Variants in SLF2 observed in about 807,000 individuals in gnomAD.
SLF2 encodes the protein SMC5/6 complex localization factor 2.
Under a neutral mutation model 124.3 loss-of-function variants are expected in SLF2, and 68 were observed. That is an observed-to-expected ratio of 0.55 (90% CI 0.45 to 0.67). SLF2 has a LOEUF of 0.67. Ranked by LOEUF, SLF2 falls within the 30% of genes least tolerant of loss-of-function variation. The probability of loss-of-function intolerance (pLI) is 0.00; values close to 1 mark genes in which losing one functional copy is unlikely to be tolerated. For synonymous variants in SLF2, 480 were observed against 478.8 expected, an observed-to-expected ratio of 1.00 and a Z score of -0.03; for missense variants, 1,246 against 1,373.7, an observed-to-expected ratio of 0.91 and a Z score of 1.47.
Position 100,938,898 on chromosome 10 carries a change from C to G in SLF2, c.2654+162C>G, listed in dbSNP as rs1849915973. ...TTTTTAACATGTCTTAATCTAAAAG[C>G]CATCATCATGTTTAGCAGGCAAATA... is the stretch of plus-strand genomic sequence containing the variant. On this transcript the variant is annotated intron_variant, in intron 11 of 19. Coordinates refer to ENST00000238961, the MANE Select transcript of SLF2 (RefSeq NM_018121.4). 2.6e-5 allele frequency among the ~76,000 whole-genome samples: 4 copies of G among 152,074 alleles called. No homozygotes were observed. In the South Asian group the frequency reaches 8.3e-4, roughly 32 times the overall value.
intron 7 of SLF2, 128 bp from the exon 8 acceptor site, chr10:100,929,701 TC>T: frequency 1.4e-6 from 1 of 730,864 alleles, no homozygotes; most frequent in South Asian, 2.4e-5. Context: ...AGCATACTTT[TC>T]TCATGCTAGT....
intron 11 of SLF2, among the ~76,000 whole-genome samples, chr10:100,941,341 C>T (rs1300343921): frequency 6.6e-6 from 1 of 152,170 alleles, no homozygotes; most frequent in Non-Finnish European, 1.5e-5. Context: ...CATTATTCTG[C>T]TAGATACATA....
intron 1 of SLF2, 73 bp from the exon 2 acceptor site, chr10:100,915,926 T>G (rs1487441057): frequency 8.6e-7 from 1 of 1,161,186 alleles, no homozygotes; most frequent in Non-Finnish European, 1.3e-6. Context: ...TTATAAATCT[T>G]TCTCCATTTA....
intron 19 of SLF2, among the ~76,000 whole-genome samples, chr10:100,961,676 A>AT (rs754135248): frequency 7.2e-4 from 109 of 152,200 alleles, no homozygotes; most frequent in Admixed American, 1.7e-3. Context: ...TCCTGCACTT[A>AT]TTTTTTACTG....
At chr10:100,947,947 T>A in intron 15 of SLF2, 100 bp downstream of exon 15, 1 of 789,080 alleles carries the variant, frequency 1.3e-6, no homozygotes, top group Non-Finnish European at 2.1e-6. Flanking sequence ...GGGTCAGAGC[T>A]CAGCTCTTAA....
intron 17 of SLF2, 136 bp from the exon 18 acceptor site, chr10:100,956,315 G>C (rs990113172): frequency 4.9e-6 from 3 of 617,126 alleles, no homozygotes; most frequent in Non-Finnish European, 8.4e-6. Context: ...CTACTGTTAC[G>C]TTGAATAGTT....
Position 100,948,712 on chromosome 10 carries a change from C to G in SLF2, c.3120+865C>G, listed in dbSNP as rs150945861. ...CCTAGCCAACACGGTGAAACCCCGT[C>G]TCTACTAAAAAAAATACAAAAAAAT... On this transcript the variant is annotated intron_variant, in intron 15 of 19. Coordinates refer to ENST00000238961, the MANE Select transcript of SLF2 (RefSeq NM_018121.4). Among the ~76,000 whole-genome samples the G allele has an allele frequency of 7.0e-3, 1,066 of 152,006 alleles. 16 individuals carry two copies. The highest frequency in any genetic ancestry group is 0.024 in the African/African-American group (1,013 of 41,450).
rs755181009 is a variant in SLF2, at chr10:100,926,041, TTTGCTAAATTTAACATTTTGC to T, written c.2042+26_2042+46del. The T allele has an allele frequency of 2.5e-6, 4 of 1,614,250 alleles. No individual in the cohort carries two copies. The Admixed American group carries it at 6.7e-5, about 27-fold the overall frequency. On this transcript the variant is annotated intron_variant, in intron 6 of 19. Coordinates refer to ENST00000238961, the MANE Select transcript of SLF2 (RefSeq NM_018121.4). ...AAAGGTTTGTTAGCATAAAGATTAATTTGCTAAATTTAACATTTTGCTTGTTTGTGTGGCTTACTTTTAATT... is the reference window on the plus strand; with the variant it reads ...AAAGGTTTGTTAGCATAAAGATTAATTTGTTTGTGTGGCTTACTTTTAATT...
At chr10:100,916,435 A>T (rs1849414816) in intron 2 of SLF2, 135 bp from the exon 3 acceptor site, 1 of 589,416 alleles carries the variant, frequency 1.7e-6, no homozygotes, top group Non-Finnish European at 2.4e-6. Context: ...GTGTATCATT[A>T]TCCAAGTTGT....
chr10:100,956,549 C>CTT lies in SLF2; in HGVS notation c.3417+14_3417+15dup. The CTT allele has an allele frequency of 6.5e-7, 1 of 1,548,672 alleles. No individual in the cohort carries two copies. The highest frequency in any genetic ancestry group is 8.7e-7 in the Non-Finnish European group (1 of 1,144,134). On this transcript the variant is annotated intron_variant, in intron 18 of 19. Transcript: ENST00000238961. ...TTTACAGAACTAAGGTAAGTGTGTT[C>CTT]TTTCTTTTTTTCTTTTTTTTTTTCT... is the stretch of plus-strand genomic sequence containing the variant.
chr10:100,926,358 CT>C, intron 6 of SLF2: 1 of 1,294,716 alleles, frequency 7.7e-7, no homozygotes, highest in Non-Finnish European at 1.0e-6. Context: ...TAATCCAGTA[CT>C]TTAGGAGGCC....
intron 19 of SLF2, 31 bp downstream of exon 19, chr10:100,959,527 C>A (rs760895865): frequency 1.9e-6 from 3 of 1,610,704 alleles, no homozygotes; most frequent in Non-Finnish European, 8.5e-7. Flanking sequence ...TTCATGTATT[C>A]TTAATAGTTT....
At chr10:100,931,441 C>T (rs1043382312) in intron 9 of SLF2, among the ~76,000 whole-genome samples, 1 of 151,856 alleles carries the variant, frequency 6.6e-6, no homozygotes, top group Non-Finnish European at 1.5e-5. Context: ...TAATTGTATG[C>T]TAATATTTCC....
chr10:100,913,122 C>T lies in SLF2; in HGVS notation c.12C>T (p.Arg4=). 1.2e-6 allele frequency: 2 copies of T among 1,613,170 alleles called. No homozygotes were observed. Among genetic ancestry groups the T allele is most frequent in the Non-Finnish European group, 1.7e-6 (2 of 1,179,712 alleles). ...CCAGCGGCGCCGACATGACAAGGCG[C>T]TGCATGCCCGCTAGGCCAGGTTTCC... MTR[R]CMPARPGFPS... Residue 4 remains arginine (R), a synonymous_variant, in exon 1 of 20, where the codon CGC becomes CGT. Coordinates refer to ENST00000238961, the MANE Select transcript of SLF2 (RefSeq NM_018121.4).
Position 100,922,642 on chromosome 10 carries a change from TG to T in SLF2, c.974-1332del, listed in dbSNP as rs369280037. ...TTTGTGTTTTTTTTTGTTGTTGTTT[TG>T]TTTTTTTGAGTTGAAGTCTTGCTTT... On this transcript the variant is annotated intron_variant, in intron 4 of 19. Coordinates refer to ENST00000238961, the MANE Select transcript of SLF2 (RefSeq NM_018121.4). Among the ~76,000 whole-genome samples, 231 of 152,326 alleles carry T rather than the reference TG, an allele frequency of 1.5e-3. 1 individual carries two copies. The highest frequency in any genetic ancestry group is 2.8e-3 in the Non-Finnish European group (190 of 68,036).
Position 100,943,813 on chromosome 10 carries a change from CTT to C in SLF2, c.2655-210_2655-209del. ...TTGACTTGGATTTGGCATAAAGAGA[CTT>C]TTGAGGGGAATGGAAATGTTCTATT... On this transcript the variant is annotated intron_variant, in intron 11 of 19. Coordinates refer to ENST00000238961, the MANE Select transcript of SLF2 (RefSeq NM_018121.4). The C allele has an allele frequency of 1.4e-5, 6 of 417,418 alleles. No individual in the cohort carries two copies. The Middle Eastern group carries it at 4.0e-3, about 277-fold the overall frequency. 25.9% of individuals were successfully genotyped at this position (417,418 alleles called of 1,614,324 possible). A position where few individuals can be genotyped will look rare whatever the true frequency, so the allele number is the denominator to read the frequency against.
chr10:100,921,304 ACTC>A (rs1849520184), intron 4 of SLF2, among the ~76,000 whole-genome samples: 1 of 152,008 alleles, frequency 6.6e-6, no homozygotes, highest in Non-Finnish European at 1.5e-5. Flanking sequence ...GCAGCACTGA[ACTC>A]CTGGGCTGAA....
At chr10:100,926,143 C>T in intron 6 of SLF2, 124 bp downstream of exon 6, 1 of 1,569,280 alleles carries the variant, frequency 6.4e-7, no homozygotes, top group Admixed American at 1.9e-5. Flanking sequence ...CTGTTGTCAA[C>T]TGTGTTAGAA....
At chr10:100,932,026 G>C (rs1016269432) in intron 9 of SLF2, among the ~76,000 whole-genome samples, 7 of 151,958 alleles carry the variant, frequency 4.6e-5, no homozygotes, top group Admixed American at 4.6e-4. Context: ...GGAGGGCATG[G>C]ATGGGGCTTT....
Sources: gnomAD v4.1 joint callset for allele counts (sites outside exome capture counted in the v4.1 genomes callset) on GRCh38, gnomAD v4.1.1 for gene constraint, MANE v1.5 for transcripts, NCBI Gene and HGNC (gene_info 2026-07-23, HGNC 2026-07-21) for gene names.